Variants in PTBP3 observed in about 807,000 individuals in gnomAD.
PTBP3 encodes the protein polypyrimidine tract binding protein 3, also known as polypyrimidine tract-binding protein 3.
A neutral mutation model predicts 58.7 loss-of-function variants in PTBP3; 20 were observed. That is an observed-to-expected ratio of 0.34 (90% CI 0.24 to 0.50). The LOEUF (loss-of-function observed/expected upper bound fraction) is 0.50, where lower values mean the gene tolerates loss of function less well. PTBP3 is among the 20% of genes least tolerant of loss of function. The probability of loss-of-function intolerance (pLI) is 0.98; values close to 1 mark genes in which losing one functional copy is unlikely to be tolerated. For synonymous variants in PTBP3, 185 were observed against 219.8 expected (o/e 0.84, Z 1.40); for missense variants, 509 against 637.2 (o/e 0.80, Z 2.17).
intron 2 of PTBP3, among the ~76,000 whole-genome samples, chr9:112,277,654 C>T (rs577314239): frequency 2.0e-5 from 3 of 151,804 alleles, no homozygotes; most frequent in African/African-American, 4.8e-5. Context: ...GTCAGGAGTT[C>T]GAGACCAGCC....
the PTBP3 span, among the ~76,000 whole-genome samples, chr9:112,352,894 C>CTTTCTT: frequency 2.0e-5 from 3 of 151,386 alleles, no homozygotes; most frequent in Admixed American, 6.6e-5. Context: ...CAATTAATGA[C>CTTTCTT]TTTCTTTTTT....
chr9:112,295,866 A>G (rs1828661405), intron 2 of PTBP3, among the ~76,000 whole-genome samples: 1 of 152,164 alleles, frequency 6.6e-6, no homozygotes, highest in Non-Finnish European at 1.5e-5. Flanking sequence ...AGAATCCCTA[A>G]GATATTGTAG....
At chr9:112,295,337 C>T (rs1260911190) in intron 2 of PTBP3, among the ~76,000 whole-genome samples, 8 of 151,074 alleles carry the variant, frequency 5.3e-5, no homozygotes, top group African/African-American at 1.9e-4. Context: ...TGTTATCAGG[C>T]TCTAGCTGTC....
At chr9:112,288,830 A>G (rs1300763140) in intron 2 of PTBP3, among the ~76,000 whole-genome samples, 1 of 152,246 alleles carries the variant, frequency 6.6e-6, no homozygotes, top group Non-Finnish European at 1.5e-5. Context: ...TTTATCAAGT[A>G]CGGAGCTTAG....
intron 10 of PTBP3, among the ~76,000 whole-genome samples, chr9:112,230,434 C>T (rs6477901): frequency 0.86 from 130,197 of 152,192 alleles, 56,107 homozygotes; most frequent in African/African-American, 0.95. Flanking sequence ...CATATTCAAA[C>T]ACAACAGTTT....
chr9:112,341,589 G>A, the PTBP3 span, among the ~76,000 whole-genome samples: 1 of 152,070 alleles, frequency 6.6e-6, no homozygotes, highest in Non-Finnish European at 1.5e-5. Flanking sequence ...TGTGAGTTGA[G>A]GGCTCACAAA....
chr9:112,347,193 C>A, the PTBP3 span, among the ~76,000 whole-genome samples: 1 of 151,902 alleles, frequency 6.6e-6, no homozygotes, highest in East Asian at 1.9e-4. Context: ...AACCTAAAAG[C>A]CTATCAACAA....
chr9:112,303,894 C>T (rs1052480351), intron 1 of PTBP3, among the ~76,000 whole-genome samples: 2 of 149,092 alleles, frequency 1.3e-5, no homozygotes, highest in African/African-American at 5.0e-5. Context: ...AGGCTGGGCA[C>T]AGTGGCTCAC....
the PTBP3 span, among the ~76,000 whole-genome samples, chr9:112,368,917 C>T: frequency 3.3e-5 from 5 of 152,324 alleles, no homozygotes; most frequent in African/African-American, 1.2e-4. Flanking sequence ...CTGCTTGGTG[C>T]CCTGTGCCCC....
chr9:112,305,761 T>A (rs1829165175), intron 1 of PTBP3, among the ~76,000 whole-genome samples: 1 of 151,906 alleles, frequency 6.6e-6, no homozygotes, highest in Non-Finnish European at 1.5e-5. Flanking sequence ...TGACACGGTG[T>A]AACCCCGTCT....
At chr9:112,331,705 C>T (rs1020147183) in intron 1 of PTBP3, among the ~76,000 whole-genome samples, 1 of 152,186 alleles carries the variant, frequency 6.6e-6, no homozygotes, top group African/African-American at 2.4e-5. Flanking sequence ...ACTTACCTTC[C>T]AGTCAGTATC....
chr9:112,220,527 T>C lies in PTBP3; in HGVS notation c.*3324A>G, dbSNP rs958650520. On this transcript the variant is annotated 3_prime_UTR_variant, in exon 14 of 14. Transcript: ENST00000374257. ...AGGGAACAGGCAGGCATAAATGATATCTCCAAAAACTGAGCTCAGCAACTT... is the reference window on the plus strand; with the variant it reads ...AGGGAACAGGCAGGCATAAATGATACCTCCAAAAACTGAGCTCAGCAACTT... 2 of 1,023,658 alleles carry C rather than the reference T, an allele frequency of 2.0e-6. No homozygotes were observed. The highest frequency in any genetic ancestry group is 9.6e-5 in the East Asian group (1 of 10,412). The allele number at this position is 1,023,658 out of a possible 1,614,324, so 63.4% of individuals were successfully genotyped here.
the PTBP3 span, among the ~76,000 whole-genome samples, chr9:112,349,863 C>CA: frequency 1.4e-3 from 69 of 49,688 alleles, 4 homozygotes; most frequent in East Asian, 5.3e-3. Context: ...GACTCTGTCT[C>CA]AAAAAAAAAA....
chr9:112,376,354 A>G, the PTBP3 span, among the ~76,000 whole-genome samples: 3 of 146,904 alleles, frequency 2.0e-5, no homozygotes, highest in Non-Finnish European at 4.5e-5. Context: ...CCCAGGTTCA[A>G]GCGATTCTCC....
chr9:112,277,547 T>C (rs1297880945), intron 2 of PTBP3, among the ~76,000 whole-genome samples: 1 of 151,960 alleles, frequency 6.6e-6, no homozygotes, highest in Non-Finnish European at 1.5e-5. Context: ...TCCAGTATCA[T>C]ATCAACGTTA....
intron 6 of PTBP3, 70 bp from the exon 7 acceptor site, chr9:112,251,173 G>T: frequency 4.8e-6 from 6 of 1,262,954 alleles, no homozygotes; most frequent in Non-Finnish European, 6.3e-6. Context: ...CCTCTACTTT[G>T]ACAAAGAGTG....
At chr9:112,289,274 G>T (rs1173361241) in intron 2 of PTBP3, among the ~76,000 whole-genome samples, 1 of 152,082 alleles carries the variant, frequency 6.6e-6, no homozygotes, top group Admixed American at 6.5e-5. Context: ...TTAGAGCACT[G>T]ACTACTTCAG....
At chr9:112,233,147 G>A (rs903842754) in intron 8 of PTBP3, among the ~76,000 whole-genome samples, 7 of 151,828 alleles carry the variant, frequency 4.6e-5, no homozygotes, top group African/African-American at 9.7e-5. Flanking sequence ...ACTACTGCAC[G>A]AAATCAATAG....
At chr9:112,260,798 A>G (rs990893438) in intron 5 of PTBP3, among the ~76,000 whole-genome samples, 27 of 152,222 alleles carry the variant, frequency 1.8e-4, no homozygotes, top group African/African-American at 6.5e-4. Flanking sequence ...AGAGGGTTAA[A>G]AAAGTGAGTG....
Sources: gnomAD v4.1 joint callset for allele counts (sites outside exome capture counted in the v4.1 genomes callset) on GRCh38, gnomAD v4.1.1 for gene constraint, MANE v1.5 for transcripts, NCBI Gene and HGNC (gene_info 2026-07-23, HGNC 2026-07-21) for gene names.